Variants in CNTNAP2 observed in about 807,000 individuals in gnomAD.
CNTNAP2 encodes the protein contactin associated protein 2, also known as contactin-associated protein-like 2.
CNTNAP2 carries 98 observed loss-of-function variants against 155.2 expected under a neutral mutation model. The ratio of observed to expected loss-of-function variants is 0.63; its 90% CI spans 0.54 to 0.75. The LOEUF (loss-of-function observed/expected upper bound fraction) is 0.75. Ranked by LOEUF, CNTNAP2 falls within the 30% of genes least tolerant of loss-of-function variation. CNTNAP2 has a pLI of 0.00. For missense variants in CNTNAP2, 1,727 were observed against 1,688.1 expected, an observed-to-expected ratio of 1.02 and a Z score of -0.40; for synonymous variants, 651 against 631.2, an observed-to-expected ratio of 1.03 and a Z score of -0.47.
intron 11 of CNTNAP2, among the ~76,000 whole-genome samples, chr7:147,511,372 T>A (rs1259852742): frequency 6.6e-6 from 1 of 152,130 alleles, no homozygotes; most frequent in African/African-American, 2.4e-5. Context: ...TTCCACTATT[T>A]AATTCTTCAT....
intron 9 of CNTNAP2, among the ~76,000 whole-genome samples, chr7:147,310,686 A>C (rs955106585): frequency 6.6e-6 from 1 of 152,140 alleles, no homozygotes; most frequent in Non-Finnish European, 1.5e-5. Flanking sequence ...CAAAAAGAAA[A>C]AGAAATCTTT....
chr7:147,693,512 A>G (rs851725), intron 13 of CNTNAP2, among the ~76,000 whole-genome samples: 60,690 of 151,734 alleles, frequency 0.4, 16,009 homozygotes, highest in African/African-American at 0.74. Flanking sequence ...TTCTCTCATC[A>G]GAGTTTTATA....
intron 2 of CNTNAP2, among the ~76,000 whole-genome samples, chr7:146,790,738 T>A (rs1223029697): frequency 6.6e-6 from 1 of 151,844 alleles, no homozygotes; most frequent in Non-Finnish European, 1.5e-5. Flanking sequence ...CCTGGCTAAT[T>A]TTTTGTATTT....
intron 1 of CNTNAP2, among the ~76,000 whole-genome samples, chr7:146,737,845 AT>A (rs1267887973): frequency 6.6e-6 from 1 of 151,982 alleles, no homozygotes; most frequent in African/African-American, 2.4e-5. Context: ...GGTGAATTGT[AT>A]TCTATTGTGT....
At position 147,342,580 on chromosome 7, in the gene CNTNAP2, A is replaced by ACAT. The variant is rs1338417297; in HGVS notation, c.1498+42291_1498+42293dup. 1.8e-4 allele frequency among the ~76,000 whole-genome samples: 28 copies of ACAT among 152,182 alleles called. 1 individual carries two copies. Among genetic ancestry groups the ACAT allele is most frequent in the African/African-American group, 6.5e-4 (27 of 41,454 alleles). On this transcript the variant is annotated intron_variant, in intron 9 of 23. Coordinates refer to ENST00000361727, the MANE Select transcript of CNTNAP2 (RefSeq NM_014141.6). The stretch of plus-strand genomic sequence containing the variant: ...ATACTTATATGTGGTTACACATGAA[A>ACAT]CATACATTTACTTCAGCACACCAAA...
At position 147,720,764 on chromosome 7, in the gene CNTNAP2, G is replaced by A. The variant is rs547772083; in HGVS notation, c.2098+81458G>A. 2.5e-4 allele frequency among the ~76,000 whole-genome samples: 38 copies of A among 152,150 alleles called. No individual in the cohort carries two copies. The South Asian group carries it at 3.5e-3, about 14-fold the overall frequency. On this transcript the variant is annotated intron_variant, in intron 13 of 23. Transcript: ENST00000361727. Reference sequence around the variant, plus strand: ...TCCCTTTCACCTTCTGCCATGATGAGGCCTCCCCAGCCATGCTGAACTGTG... The same window carrying A: ...TCCCTTTCACCTTCTGCCATGATGAAGCCTCCCCAGCCATGCTGAACTGTG...
chr7:146,719,768 AG>A (rs1801253885), intron 1 of CNTNAP2, among the ~76,000 whole-genome samples: 3 of 152,058 alleles, frequency 2.0e-5, no homozygotes, highest in African/African-American at 7.2e-5. Flanking sequence ...TTTTAAGGAA[AG>A]GTAACCTTTT....
intron 20 of CNTNAP2, among the ~76,000 whole-genome samples, chr7:148,265,659 G>C (rs914965490): frequency 1.3e-5 from 2 of 152,148 alleles, no homozygotes; most frequent in Non-Finnish European, 2.9e-5. Flanking sequence ...AATAGTTTTT[G>C]GGGGTGGGGT....
At chr7:146,352,631 A>G (rs1584884062) in intron 1 of CNTNAP2, among the ~76,000 whole-genome samples, 1 of 151,930 alleles carries the variant, frequency 6.6e-6, no homozygotes, top group Non-Finnish European at 1.5e-5. Flanking sequence ...TGTAAAATCT[A>G]TAACATTTCT....
At chr7:146,143,165 A>C (rs1171582723) in intron 1 of CNTNAP2, among the ~76,000 whole-genome samples, 2 of 152,184 alleles carry the variant, frequency 1.3e-5, no homozygotes, top group African/African-American at 4.8e-5. Flanking sequence ...CTCCTAAAGA[A>C]TGACTTCATT....
At chr7:147,779,091 A>G (rs1298224625) in intron 13 of CNTNAP2, among the ~76,000 whole-genome samples, 2 of 152,066 alleles carry the variant, frequency 1.3e-5, no homozygotes, top group African/African-American at 4.8e-5. Context: ...TTTTTTTTGT[A>G]AGCAATCCAA....
At chr7:146,217,172 C>T (rs1006874638) in intron 1 of CNTNAP2, among the ~76,000 whole-genome samples, 1 of 152,122 alleles carries the variant, frequency 6.6e-6, no homozygotes, top group Non-Finnish European at 1.5e-5. Context: ...AACTCTTACA[C>T]ACTGCTATAG....
intron 1 of CNTNAP2, among the ~76,000 whole-genome samples, chr7:146,505,504 C>T (rs896798715): frequency 6.6e-6 from 1 of 152,192 alleles, no homozygotes; most frequent in African/African-American, 2.4e-5. Flanking sequence ...TACTGGGGAG[C>T]TCATAATAGG....
In CNTNAP2 at chr7:146,642,535, C is replaced by T. The variant is rs1277727216; in HGVS notation, c.98-131736C>T. ...GGTATTCCATGGTGTATACGTGCCA[C>T]ATTTTCTTCATCCAGTCTATCATTG... On this transcript the variant is annotated intron_variant, in intron 1 of 23. Coordinates refer to ENST00000361727, the MANE Select transcript of CNTNAP2 (RefSeq NM_014141.6). 4.0e-5 allele frequency among the ~76,000 whole-genome samples: 6 copies of T among 151,746 alleles called. No individual in the cohort carries two copies. The South Asian group carries it at 8.3e-4, about 21-fold the overall frequency.
At chr7:148,412,038 G>C (rs1405687062) in intron 23 of CNTNAP2, among the ~76,000 whole-genome samples, 3 of 152,088 alleles carry the variant, frequency 2.0e-5, no homozygotes, top group African/African-American at 7.2e-5. Context: ...CGACTCCCTG[G>C]CTCAAGCGAT....
At chr7:146,849,939 C>CT (rs1182592209) in intron 3 of CNTNAP2, among the ~76,000 whole-genome samples, 2 of 152,130 alleles carry the variant, frequency 1.3e-5, no homozygotes, top group Non-Finnish European at 2.9e-5. Context: ...TTTCAGGATG[C>CT]TTATGCCCCT....
In CNTNAP2 at chr7:146,551,606, TA is replaced by T. The variant is rs371848644; in HGVS notation, c.98-222657del. Among the ~76,000 whole-genome samples, 10 of 151,650 alleles carry T rather than the reference TA, an allele frequency of 6.6e-5. No individual in the cohort carries two copies. The East Asian group carries it at 9.7e-4, about 15-fold the overall frequency. On this transcript the variant is annotated intron_variant, in intron 1 of 23. Transcript: ENST00000361727. Reference sequence around the variant, plus strand: ...CGTACCCTAAAACTTAAAGTATAATTAAAAAAAAGAATAAGAGGCCAAAAGA... The same window carrying T: ...CGTACCCTAAAACTTAAAGTATAATTAAAAAAAGAATAAGAGGCCAAAAGA...
At chr7:148,192,775 A>G (rs942536619) in intron 18 of CNTNAP2, among the ~76,000 whole-genome samples, 5 of 152,218 alleles carry the variant, frequency 3.3e-5, no homozygotes, top group African/African-American at 1.2e-4. Context: ...AACTTCACTC[A>G]AAGTTCAGCA....
intron 1 of CNTNAP2, among the ~76,000 whole-genome samples, chr7:146,748,608 A>G (rs975114182): frequency 2.0e-5 from 3 of 152,052 alleles, no homozygotes; most frequent in Non-Finnish European, 4.4e-5. Context: ...CTATGCCACC[A>G]TTTTTCTTTC....
Sources: gnomAD v4.1 joint callset for allele counts (sites outside exome capture counted in the v4.1 genomes callset) on GRCh38, gnomAD v4.1.1 for gene constraint, MANE v1.5 for transcripts, NCBI Gene and HGNC (gene_info 2026-07-23, HGNC 2026-07-21) for gene names.